The following PIP5K1B variants were observed in gnomAD, a reference collection of about 807,000 sequenced individuals.
PIP5K1B encodes phosphatidylinositol-4-phosphate 5-kinase type 1 beta, also known as phosphatidylinositol 4-phosphate 5-kinase type-1 beta.
PIP5K1B carries 42 observed loss-of-function variants against 67.0 expected under a neutral mutation model. The ratio of observed to expected loss-of-function variants is 0.63; its 90% confidence interval spans 0.49 to 0.81. PIP5K1B has a LOEUF of 0.81. Ranked by LOEUF, PIP5K1B falls within the 30% of genes least tolerant of loss-of-function variation. PIP5K1B has a pLI of 0.00. For missense variants in PIP5K1B, 459 were observed against 646.3 expected, an observed-to-expected ratio of 0.71 and a Z score of 3.14; for synonymous variants, 214 against 231.4, an observed-to-expected ratio of 0.92 and a Z score of 0.68.
rs565983063 is a variant in PIP5K1B, at chr9:69,000,898, T to A, written c.1621-7549T>A. ...AAAGGCTTGATGGGAGCACAACTTTTTTTTTTTTTTTCTTTTTTTGATGGA... is the reference window on the plus strand; with the variant it reads ...AAAGGCTTGATGGGAGCACAACTTTATTTTTTTTTTTCTTTTTTTGATGGA... On this transcript the variant is annotated intron_variant, in intron 15 of 15. Coordinates refer to ENST00000265382, the MANE Select transcript of PIP5K1B (RefSeq NM_003558.4). 1.5e-4 allele frequency among the ~76,000 whole-genome samples: 23 copies of A among 150,918 alleles called. No individual in the cohort carries two copies. In the East Asian group the frequency reaches 4.3e-3, roughly 28 times the overall value.
At chr9:68,937,756 C>T (rs1827341692) in intron 13 of PIP5K1B, among the ~76,000 whole-genome samples, 1 of 152,142 alleles carries the variant, frequency 6.6e-6, no homozygotes, top group Non-Finnish European at 1.5e-5. Context: ...CTATAAATTT[C>T]CCTCTACACA....
intron 14 of PIP5K1B, among the ~76,000 whole-genome samples, chr9:68,961,216 C>CAAAAA (rs544251006): frequency 0.068 from 3,810 of 56,052 alleles, 70 homozygotes; most frequent in Middle Eastern, 0.096. Context: ...GACTCCGTCT[C>CAAAAA]AAAAAAAAAA....
chr9:69,007,470 C>T (rs993803430), intron 15 of PIP5K1B, among the ~76,000 whole-genome samples: 6 of 152,160 alleles, frequency 3.9e-5, no homozygotes, highest in Admixed American at 1.3e-4. Flanking sequence ...TATCCCTCAC[C>T]ACCACCCTAT....
rs555887017 is a variant in PIP5K1B, at chr9:68,977,663, T to A, written c.1503-13477T>A. 1.9e-4 allele frequency among the ~76,000 whole-genome samples: 28 copies of A among 151,084 alleles called. No individual in the cohort carries two copies. In the East Asian group the frequency reaches 5.4e-3, roughly 29 times the overall value. On this transcript the variant is annotated intron_variant, in intron 14 of 15. Coordinates refer to ENST00000265382, the MANE Select transcript of PIP5K1B (RefSeq NM_003558.4). ...CATATAATTATTGGCTTCTTTTTTT[T>A]TTTTTTTTCGAGACGGAGTCTCGCT...
chr9:68,990,677 T>G (rs941880881), intron 14 of PIP5K1B, among the ~76,000 whole-genome samples: 12 of 150,912 alleles, frequency 8.0e-5, no homozygotes, highest in African/African-American at 2.9e-4. Context: ...TATATATTTT[T>G]TTTTTGAGAC....
intron 1 of PIP5K1B, among the ~76,000 whole-genome samples, chr9:68,715,113 A>G (rs1171853671): frequency 6.6e-6 from 1 of 152,222 alleles, no homozygotes; most frequent in Non-Finnish European, 1.5e-5. Flanking sequence ...GTTGCTTTGC[A>G]TAACTGGCAG....
chr9:68,865,110 G>A (rs1267850350), intron 5 of PIP5K1B, among the ~76,000 whole-genome samples: 1 of 152,158 alleles, frequency 6.6e-6, no homozygotes, highest in African/African-American at 2.4e-5. Context: ...GCTCTTAGCT[G>A]CAGAATAAAG....
chr9:68,989,455 A>T (rs1351778041), intron 14 of PIP5K1B, among the ~76,000 whole-genome samples: 1 of 151,988 alleles, frequency 6.6e-6, no homozygotes, highest in Non-Finnish European at 1.5e-5. Flanking sequence ...CCCAGGGAAG[A>T]CCATAGGCTG....
intron 8 of PIP5K1B, among the ~76,000 whole-genome samples, chr9:68,907,246 A>G (rs1825659372): frequency 6.6e-6 from 1 of 152,132 alleles, no homozygotes; most frequent in Non-Finnish European, 1.5e-5. Context: ...CACCATTGGA[A>G]ACATAGGGTC....
intron 2 of PIP5K1B, among the ~76,000 whole-genome samples, chr9:68,806,422 G>A (rs1434384328): frequency 6.6e-6 from 1 of 152,166 alleles, no homozygotes; most frequent in East Asian, 1.9e-4. Flanking sequence ...GACTATTGCA[G>A]CAGGCTCTAG....
At chr9:68,997,295 G>T (rs1290458852) in intron 15 of PIP5K1B, among the ~76,000 whole-genome samples, 1 of 152,206 alleles carries the variant, frequency 6.6e-6, no homozygotes, top group Non-Finnish European at 1.5e-5. Context: ...TGCATTTCTG[G>T]ATTTGAATCC....
chr9:68,819,206 A>G (rs1833605601), intron 3 of PIP5K1B, among the ~76,000 whole-genome samples: 2 of 152,160 alleles, frequency 1.3e-5, no homozygotes, highest in Non-Finnish European at 2.9e-5. Flanking sequence ...TATCTGCGGG[A>G]GATTGATTCT....
chr9:68,895,833 G>A (rs1280269693), intron 8 of PIP5K1B, among the ~76,000 whole-genome samples: 2 of 151,964 alleles, frequency 1.3e-5, no homozygotes, highest in Non-Finnish European at 2.9e-5. Context: ...GCAATTCTTT[G>A]GAGTCAGTAC....
chr9:68,915,248 C>T (rs981258252), intron 8 of PIP5K1B, among the ~76,000 whole-genome samples: 6 of 151,932 alleles, frequency 3.9e-5, no homozygotes, highest in African/African-American at 1.2e-4. Context: ...AGAAAGGAAG[C>T]GCTAGCACTG....
At chr9:68,956,349 A>G (rs1828391074) in intron 14 of PIP5K1B, among the ~76,000 whole-genome samples, 1 of 152,226 alleles carries the variant, frequency 6.6e-6, no homozygotes, top group Non-Finnish European at 1.5e-5. Flanking sequence ...AAGTGCCTGT[A>G]TTCCCAGCTA....
At chr9:68,982,867 T>C (rs1189375953) in intron 14 of PIP5K1B, among the ~76,000 whole-genome samples, 4 of 152,226 alleles carry the variant, frequency 2.6e-5, no homozygotes, top group Non-Finnish European at 5.9e-5. Flanking sequence ...ATTCTTGCGT[T>C]ATCTCCTTAC....
At chr9:68,832,680 C>G (rs1030468032) in intron 4 of PIP5K1B, among the ~76,000 whole-genome samples, 1 of 152,212 alleles carries the variant, frequency 6.6e-6, no homozygotes, top group African/African-American at 2.4e-5. Context: ...TTCTGACATG[C>G]ACGTACACCC....
chr9:68,978,769 GA>G (rs1829750255), intron 14 of PIP5K1B, among the ~76,000 whole-genome samples: 1 of 152,076 alleles, frequency 6.6e-6, no homozygotes, highest in Non-Finnish European at 1.5e-5. Flanking sequence ...CATAAATTTT[GA>G]AAAATATGTA....
At chr9:68,923,161 C>T (rs1227878748) in intron 11 of PIP5K1B, 141 bp from the exon 12 acceptor site, 3 of 654,486 alleles carry the variant, frequency 4.6e-6, no homozygotes, top group African/African-American at 1.9e-5. Context: ...CCACGGGCTA[C>T]AGGACATTCC....
Sources: gnomAD v4.1 joint callset for allele counts (sites outside exome capture counted in the v4.1 genomes callset) on GRCh38, gnomAD v4.1.1 for gene constraint, MANE v1.5 for transcripts, NCBI Gene and HGNC (gene_info 2026-07-23, HGNC 2026-07-21) for gene names.